KCNH1: variants seen among roughly 807,000 people sequenced by gnomAD.
KCNH1 encodes potassium voltage-gated channel subfamily H member 1, also known as voltage-gated delayed rectifier potassium channel KCNH1.
KCNH1 carries 27 observed loss-of-function variants against 69.2 expected under a neutral mutation model. The observed-to-expected ratio is 0.39, with a 90% CI of 0.29 to 0.54. KCNH1 has a LOEUF of 0.54. Among genes scored for constraint, KCNH1 ranks in the 20% least tolerant of loss-of-function variants. KCNH1 has a pLI of 0.68. For synonymous variants in KCNH1, 456 were observed against 487.7 expected (o/e 0.93, Z 0.86); for missense variants, 798 against 1,261.6 (o/e 0.63, Z 5.57).
At chr1:210,688,730 A>G (rs114006140) in intron 10 of KCNH1, among the ~76,000 whole-genome samples, 2,577 of 152,320 alleles carry the variant, frequency 0.017, 35 homozygotes, top group Middle Eastern at 0.031. Flanking sequence ...CCCCTGAGAT[A>G]AACATTTTTG....
intron 10 of KCNH1, among the ~76,000 whole-genome samples, chr1:210,695,237 ATCCAGCTTAG>A (rs1328152680): frequency 1.3e-5 from 2 of 152,224 alleles, no homozygotes; most frequent in Admixed American, 6.5e-5. Context: ...CCTTTACTTT[ATCCAGCTTAG>A]TCATGACAGC....
chr1:210,683,625 T>C lies in KCNH1; in HGVS notation c.2626A>G (p.Lys876Glu). The C allele has an allele frequency of 6.2e-7, 1 of 1,614,172 alleles. No individual in the cohort carries two copies. The highest frequency in any genetic ancestry group is 1.1e-5 in the South Asian group (1 of 91,078). ...TKASGEATLKKTDSCDSGITK... is the reference protein window; with the variant it reads ...TKASGEATLKETDSCDSGITK... ...ATGCCACTGTCACACGAGTCTGTCT[T>C]CTTCAGTGTGGCCTCGCCTGACGCT... Residue 876 changes from lysine to glutamate, a missense_variant, in exon 11 of 11, where the codon AAG (lysine) becomes GAG (glutamate). By Grantham distance (56) the Lys-to-Glu change is moderately conservative (BLOSUM62 1). Coordinates refer to ENST00000271751, the MANE Select transcript of KCNH1 (RefSeq NM_172362.3). This position sits in a 1 kb window ranked among gnomAD's most constrained non-coding sequence, Gnocchi z 5.7.
At chr1:210,964,974 A>G (rs1688370875) in intron 6 of KCNH1, among the ~76,000 whole-genome samples, 1 of 152,190 alleles carries the variant, frequency 6.6e-6, no homozygotes, top group Non-Finnish European at 1.5e-5. Flanking sequence ...ATAATCCATC[A>G]CAAACAGAAC....
In KCNH1 at chr1:210,859,049, AT is replaced by A. The variant is rs551731520; in HGVS notation, c.1463-54884del. 19 of 523,562 alleles carry A rather than the reference AT, an allele frequency of 3.6e-5. 1 individual carries two copies. The highest frequency in any genetic ancestry group is 6.1e-5 in the Admixed American group (2 of 32,788). The allele number at this position is 523,562 out of a possible 1,614,324, so 32.4% of individuals were successfully genotyped here. On this transcript the variant is annotated intron_variant, in intron 7 of 10. Coordinates refer to ENST00000271751, the MANE Select transcript of KCNH1 (RefSeq NM_172362.3). ...ATCTCCTGGGGTTGTTGTTGTTGTG[AT>A]TTTTTTTCTGTCCATCTACTGATCA...
At chr1:210,856,877 C>CTATATA (rs150446990) in intron 7 of KCNH1, among the ~76,000 whole-genome samples, 8,704 of 101,558 alleles carry the variant, frequency 0.086, 703 homozygotes, top group East Asian at 0.18. Context: ...ATATAACCCA[C>CTATATA]TATATATATA....
At chr1:210,735,874 C>T (rs1682869028) in intron 10 of KCNH1, among the ~76,000 whole-genome samples, 1 of 151,936 alleles carries the variant, frequency 6.6e-6, no homozygotes, top group South Asian at 2.1e-4. Context: ...CAGCTATCTC[C>T]TGCCATTTCA....
At chr1:211,090,789 AT>A (rs763466081) in intron 3 of KCNH1, 99 bp from the exon 4 acceptor site, 93 of 1,097,272 alleles carry the variant, frequency 8.5e-5, no homozygotes, top group South Asian at 1.2e-4. Context: ...ATATTAATTC[AT>A]TTTTTAAATG....
chr1:210,691,182 A>G (rs1681520218), intron 10 of KCNH1, among the ~76,000 whole-genome samples: 1 of 152,228 alleles, frequency 6.6e-6, no homozygotes. Flanking sequence ...TTCTAGAAGG[A>G]TGAGCTAGAA....
chr1:210,853,946 C>CAAAAAAAAAAAAAAAAAAAAAAAAA lies in KCNH1; in HGVS notation c.1463-49781_1463-49780insTTTTTTTTTTTTTTTTTTTTTTTTT, dbSNP rs11445997. The stretch of plus-strand genomic sequence containing the variant: ...TAGCAGTAAAAGCATTTATCTAAGC[C>CAAAAAAAAAAAAAAAAAAAAAAAAA]AAAAAAAAAAAAAAAAAAAAAAGAA... On this transcript the variant is annotated intron_variant, in intron 7 of 10. Coordinates refer to ENST00000271751, the MANE Select transcript of KCNH1 (RefSeq NM_172362.3). Among the ~76,000 whole-genome samples the CAAAAAAAAAAAAAAAAAAAAAAAAA allele has an allele frequency of 1.5e-4, 9 of 61,532 alleles. 1 individual carries two copies. Among genetic ancestry groups the CAAAAAAAAAAAAAAAAAAAAAAAAA allele is most frequent in the East Asian group, 4.6e-4 (1 of 2,196 alleles). 40.4% of individuals were successfully genotyped at this position (61,532 alleles called of 152,430 possible).
At chr1:210,849,278 T>C (rs1054811041) in intron 7 of KCNH1, among the ~76,000 whole-genome samples, 4 of 152,138 alleles carry the variant, frequency 2.6e-5, no homozygotes, top group African/African-American at 7.2e-5. Flanking sequence ...CATTGCCTCC[T>C]TGGAGGATTT....
At chr1:210,781,468 T>A (rs1683984458) in intron 9 of KCNH1, among the ~76,000 whole-genome samples, 1 of 152,032 alleles carries the variant, frequency 6.6e-6, no homozygotes, top group Admixed American at 6.5e-5. Flanking sequence ...ATCAGGATGA[T>A]GAAATGCAGC....
At chr1:211,082,664 G>A in intron 5 of KCNH1, 116 bp downstream of exon 5, 2 of 775,796 alleles carry the variant, frequency 2.6e-6, no homozygotes, top group Non-Finnish European at 2.2e-6. Flanking sequence ...GCCAAGACAG[G>A]CGTCTGGGGG....
In KCNH1 at chr1:210,683,962, G is replaced by T. The variant is rs1393099917; in HGVS notation, c.2289C>A (p.Asp763Glu). 1 of 1,603,896 alleles carries T rather than the reference G, an allele frequency of 6.2e-7. No individual in the cohort carries two copies. The highest frequency in any genetic ancestry group is 1.3e-5 in the African/African-American group (1 of 74,770). The change falls in exon 11 of 11, where the codon GAC (aspartate) becomes GAA (glutamate). Residue 763 changes from aspartate to glutamate, a missense_variant. Asp to Glu is a conservative substitution (Grantham distance 45). Around this residue, in one of 4 missense-constraint regions of KCNH1, gnomAD observed 331 missense variants for 363.2 expected, o/e 0.91. Coordinates refer to ENST00000271751, the MANE Select transcript of KCNH1 (RefSeq NM_172362.3). The surrounding 1 kb of genome is among the most constrained non-coding windows in gnomAD (Gnocchi z 5.7). ...AAERGGRDLD[D>E]LDVEKGNVLT... Reference sequence around the variant, plus strand: ...GGACATTGCCCTTCTCCACATCTAGGTCATCCAGGTCCCGGCCCCCTCTCT... The same window carrying T: ...GGACATTGCCCTTCTCCACATCTAGTTCATCCAGGTCCCGGCCCCCTCTCT...
intron 10 of KCNH1, among the ~76,000 whole-genome samples, chr1:210,720,410 T>A (rs1029548743): frequency 6.6e-6 from 1 of 152,208 alleles, no homozygotes; most frequent in African/African-American, 2.4e-5. Context: ...TTATTTTATC[T>A]CCTTCTTATG....
intron 10 of KCNH1, among the ~76,000 whole-genome samples, chr1:210,703,306 A>AAATG (rs1478213440): frequency 6.6e-6 from 1 of 152,234 alleles, no homozygotes; most frequent in East Asian, 1.9e-4. Context: ...AAGGAAATTT[A>AAATG]AATGACTGGT....
chr1:210,985,743 A>G (rs892621917), intron 6 of KCNH1, among the ~76,000 whole-genome samples: 5 of 152,174 alleles, frequency 3.3e-5, no homozygotes, highest in African/African-American at 1.2e-4. Context: ...GTGGTGCTGA[A>G]AAGAATGTAT....
rs555374354 is a variant in KCNH1, at chr1:210,888,032, C to T, written c.1462+31608G>A. On this transcript the variant is annotated intron_variant, in intron 7 of 10. Transcript: ENST00000271751. ...AAGATTAACAAGGATATTCAGGACG[C>T]GAACTCAGCTCTGGACCAAGCAGAC... is the stretch of plus-strand genomic sequence containing the variant. Among the ~76,000 whole-genome samples the T allele has an allele frequency of 8.1e-4, 123 of 152,130 alleles. 1 individual carries two copies. Among genetic ancestry groups the T allele is most frequent in the Non-Finnish European group, 1.2e-3 (79 of 67,968 alleles).
chr1:211,062,549 C>T (rs146579801), intron 5 of KCNH1, among the ~76,000 whole-genome samples: 1,829 of 152,016 alleles, frequency 0.012, 42 homozygotes, highest in African/African-American at 0.042. Flanking sequence ...AAAATATTTG[C>T]AAACTATCCC....
chr1:210,808,742 G>A (rs1573159), intron 7 of KCNH1, among the ~76,000 whole-genome samples: 118,004 of 151,968 alleles, frequency 0.78, 46,200 homozygotes, highest in Non-Finnish European at 0.83. Context: ...TGCACGTAAC[G>A]TTTAATTTAT....
Sources: allele counts gnomAD v4.1 joint callset (sites outside exome capture counted in the v4.1 genomes callset), GRCh38; gene constraint gnomAD v4.1.1; regional missense constraint gnomAD v4.1.1; non-coding constraint Gnocchi (gnomAD v3.1); transcripts MANE v1.5; gene names NCBI Gene and HGNC (gene_info 2026-07-23, HGNC 2026-07-21).